The following ITGB5 variants were observed in gnomAD, a reference collection of about 807,000 sequenced individuals.
ITGB5 encodes integrin beta-5.
In ITGB5, 38 loss-of-function variants were observed where a neutral mutation model predicts 84.8. That is an observed-to-expected ratio of 0.45 (90% CI 0.35 to 0.59). The LOEUF (loss-of-function observed/expected upper bound fraction) is 0.59, where lower values mean the gene tolerates loss of function less well. ITGB5 is among the 20% of genes least tolerant of loss of function. The probability of loss-of-function intolerance (pLI) is 0.01; values close to 1 mark genes in which losing one functional copy is unlikely to be tolerated. For synonymous variants in ITGB5, 393 were observed against 414.4 expected, an observed-to-expected ratio of 0.95 and a Z score of 0.63; for missense variants, 905 against 1,034.5, an observed-to-expected ratio of 0.87 and a Z score of 1.72.
chr3:124,804,430 C>T (rs938375372), intron 9 of ITGB5, among the ~76,000 whole-genome samples: 3 of 152,076 alleles, frequency 2.0e-5, no homozygotes, highest in Admixed American at 6.6e-5. Context: ...GGTCTGTGGT[C>T]CCAGCTACTT....
In ITGB5 at chr3:124,823,267, AAAAT is replaced by A. The variant is rs545688890; in HGVS notation, c.781-1797_781-1794del. Among the ~76,000 whole-genome samples, 124 of 152,244 alleles carry A rather than the reference AAAAT, an allele frequency of 8.1e-4. 1 individual carries two copies. Among genetic ancestry groups the A allele is most frequent in the African/African-American group, 2.6e-3 (109 of 41,558 alleles). On this transcript the variant is annotated intron_variant, in intron 5 of 14. Transcript: ENST00000296181. ...AACAGAGCAAGATCCTGTCTGTAAA[AAAAT>A]AAATAAATAAAAATAAAAACAAATA... is the stretch of plus-strand genomic sequence containing the variant.
rs1344184666 is a variant in ITGB5, at chr3:124,773,719, G to A, written c.1887C>T (p.Pro629=). ...TGGTGCTGCATGCATCCGGGCAGGT[G>A]GGGCACTTCTCACACATCTCCCCAA... ...GAFGEMCEKC[P]TCPDACSTKR... Residue 629 remains proline (P), a synonymous_variant, in exon 11 of 15, where the codon CCC becomes CCT. Transcript: ENST00000296181. 1 of 1,612,234 alleles carries A rather than the reference G, an allele frequency of 6.2e-7. No homozygotes were observed. Among genetic ancestry groups the A allele is most frequent in the Non-Finnish European group, 8.5e-7 (1 of 1,180,020 alleles).
intron 3 of ITGB5, among the ~76,000 whole-genome samples, chr3:124,857,980 A>T (rs1013743810): frequency 6.6e-6 from 1 of 152,030 alleles, no homozygotes; most frequent in Non-Finnish European, 1.5e-5. Context: ...CTAAAAACAC[A>T]CACACAAAAA....
intron 3 of ITGB5, among the ~76,000 whole-genome samples, chr3:124,853,524 C>A (rs1159951842): frequency 6.6e-6 from 1 of 152,186 alleles, no homozygotes; most frequent in Non-Finnish European, 1.5e-5. Context: ...TTCTGGTTTC[C>A]TTTAAAATAA....
At chr3:124,895,392 T>G (rs1201377056) in intron 1 of ITGB5, among the ~76,000 whole-genome samples, 1 of 152,084 alleles carries the variant, frequency 6.6e-6, no homozygotes, top group Non-Finnish European at 1.5e-5. Context: ...ACCAGACTAA[T>G]TATTTTATTT....
intron 10 of ITGB5, among the ~76,000 whole-genome samples, chr3:124,781,524 C>G (rs772043802): frequency 6.6e-6 from 1 of 152,180 alleles, no homozygotes; most frequent in Non-Finnish European, 1.5e-5. Flanking sequence ...CTGAAACGCA[C>G]AGGACGTGTT....
chr3:124,807,941 C>CAA lies in ITGB5; in HGVS notation c.1263+1079_1263+1080dup, dbSNP rs552552243. On this transcript the variant is annotated intron_variant, in intron 9 of 14. Coordinates refer to ENST00000296181, the MANE Select transcript of ITGB5 (RefSeq NM_002213.5). ...TGGGCGACAGAGCGAGACTTCATCT[C>CAA]AAAAAAAAAAAAAAAAAAAAAAAAA... Among the ~76,000 whole-genome samples, 98 of 26,802 alleles carry CAA rather than the reference C, an allele frequency of 3.7e-3. 33 individuals are homozygous for CAA. Among genetic ancestry groups the CAA allele is most frequent in the Non-Finnish European group, 4.8e-3 (67 of 13,988 alleles). 17.6% of individuals were successfully genotyped at this position (26,802 alleles called of 152,430 possible).
upstream of ITGB5, chr3:124,887,920 CTTTTTT>C (rs747964036): frequency 1.5e-5 from 3 of 196,326 alleles, no homozygotes; most frequent in Non-Finnish European, 2.1e-5. Context: ...TTTTTCTTTT[CTTTTTT>C]TTTTTTTTTT....
intron 2 of ITGB5, among the ~76,000 whole-genome samples, chr3:124,863,578 G>C (rs181340037): frequency 6.6e-5 from 10 of 152,204 alleles, no homozygotes; most frequent in Admixed American, 3.9e-4. Flanking sequence ...GAGTGCAGTG[G>C]TGTAATCTCA....
intron 2 of ITGB5, among the ~76,000 whole-genome samples, chr3:124,865,481 C>CTTTTTTTTTTT (rs59446328): frequency 0.013 from 1,227 of 93,092 alleles, 27 homozygotes; most frequent in East Asian, 0.031. Context: ...CGGCTTTTTT[C>CTTTTTTTTTTT]TTTTTTTTTT....
At chr3:124,872,455 C>T (rs1178121413) in intron 2 of ITGB5, among the ~76,000 whole-genome samples, 1 of 152,166 alleles carries the variant, frequency 6.6e-6, no homozygotes, top group East Asian at 1.9e-4. Context: ...AGAGTCCCCA[C>T]ATGATCATTT....
chr3:124,848,843 G>A (rs748463319), intron 3 of ITGB5, among the ~76,000 whole-genome samples: 21 of 152,078 alleles, frequency 1.4e-4, no homozygotes, highest in Non-Finnish European at 2.2e-4. Context: ...GCAGTGGTGC[G>A]ATCTTGGCTC....
At chr3:124,787,567 T>C (rs1375027406) in intron 10 of ITGB5, 1 of 152,246 alleles carries the variant, frequency 6.6e-6, no homozygotes, top group African/African-American at 2.4e-5. Flanking sequence ...TGGCAGCCAG[T>C]ACAACACTTG....
chr3:124,798,085 G>T (rs1045667140), intron 9 of ITGB5, among the ~76,000 whole-genome samples: 1 of 68,896 alleles, frequency 1.5e-5, no homozygotes, highest in African/African-American at 6.1e-5. Context: ...GTGGAGTCTC[G>T]CTCTGTTGCC....
intron 9 of ITGB5, among the ~76,000 whole-genome samples, chr3:124,806,576 G>T (rs1307965659): frequency 1.3e-5 from 2 of 151,916 alleles, no homozygotes; most frequent in African/African-American, 4.8e-5. Flanking sequence ...TGGGACTACA[G>T]GTACCCGCCA....
At chr3:124,781,498 T>A (rs1187542433) in intron 10 of ITGB5, among the ~76,000 whole-genome samples, 2 of 152,104 alleles carry the variant, frequency 1.3e-5, no homozygotes, top group Non-Finnish European at 2.9e-5. Context: ...GTAGAAAAAG[T>A]AAAGAACAGA....
rs2063729210 is a variant in ITGB5, at chr3:124,763,864, T to TA, written c.2305-147dup. ...CTCAGGAGGAGACGGCCGTGGGCTC[T>TA]AGGACAGCTCTGTGTTCCCCAGGAA... is the stretch of plus-strand genomic sequence containing the variant. On this transcript the variant is annotated intron_variant, in intron 14 of 14. Coordinates refer to ENST00000296181, the MANE Select transcript of ITGB5 (RefSeq NM_002213.5). The TA allele has an allele frequency of 5.2e-6, 3 of 581,346 alleles. No individual in the cohort carries two copies. In the Admixed American group the frequency reaches 9.3e-5, roughly 18 times the overall value. The allele number at this position is 581,346 out of a possible 1,614,324, so 36.0% of individuals were successfully genotyped here.
intron 10 of ITGB5, among the ~76,000 whole-genome samples, chr3:124,795,159 G>A (rs2064204097): frequency 1.3e-5 from 2 of 152,112 alleles, no homozygotes; most frequent in African/African-American, 4.8e-5. Flanking sequence ...TTAACCATTG[G>A]GAGGAAGTTA....
chr3:124,864,453 C>T (rs544260484), intron 2 of ITGB5, among the ~76,000 whole-genome samples: 1 of 152,216 alleles, frequency 6.6e-6, no homozygotes, highest in Non-Finnish European at 1.5e-5. Context: ...ATACGGATGC[C>T]TCATATCATA....
Sources: allele counts gnomAD v4.1 joint callset (sites outside exome capture counted in the v4.1 genomes callset), GRCh38; gene constraint gnomAD v4.1.1; transcripts MANE v1.5; gene names NCBI Gene and HGNC (gene_info 2026-07-23, HGNC 2026-07-21).